Variants in RFX4 observed in about 807,000 individuals in gnomAD.
RFX4 encodes transcription factor RFX4.
In RFX4, 10 loss-of-function variants were observed where a neutral mutation model predicts 95.0. The ratio of observed to expected loss-of-function variants is 0.11; its 90% CI spans 0.06 to 0.18. The LOEUF (loss-of-function observed/expected upper bound fraction) is 0.18, where lower values mean the gene tolerates loss of function less well. RFX4 is among the 10% of genes least tolerant of loss of function. The probability of loss-of-function intolerance (pLI) is 1.00; values close to 1 mark genes in which losing one functional copy is unlikely to be tolerated. For missense variants in RFX4, 640 were observed against 922.0 expected (o/e 0.69, Z 3.96); for synonymous variants, 321 against 340.7 (o/e 0.94, Z 0.64).
At chr12:106,629,022 G>A (rs1202748035) in intron 2 of RFX4, among the ~76,000 whole-genome samples, 1 of 151,968 alleles carries the variant, frequency 6.6e-6, no homozygotes, top group Non-Finnish European at 1.5e-5. Flanking sequence ...GCCTCCCAAA[G>A]TGCTGGAATT....
Position 106,654,363 on chromosome 12 carries a change from C to T in RFX4, c.315+12C>T, listed in dbSNP as rs750770860. 2.8e-5 allele frequency: 45 copies of T among 1,612,176 alleles called. No homozygotes were observed. Among genetic ancestry groups the T allele is most frequent in the Non-Finnish European group, 3.7e-5 (44 of 1,179,038 alleles). On this transcript the variant is annotated intron_variant, in intron 4 of 17. Coordinates refer to ENST00000392842, the MANE Select transcript of RFX4 (RefSeq NM_213594.3). ...CCAGCTTTGGAAAGGTGAGTCCAGC[C>T]TCATCAGGCTTGTCCTCCCTACCAC...
intron 17 of RFX4, among the ~76,000 whole-genome samples, chr12:106,758,847 G>T (rs2043157582): frequency 6.6e-6 from 1 of 152,214 alleles, no homozygotes; most frequent in African/African-American, 2.4e-5. Flanking sequence ...CTAGCTTGCT[G>T]TGTGACTTTG....
At chr12:106,602,658 C>T (rs1428531835) in intron 1 of RFX4, among the ~76,000 whole-genome samples, 2 of 152,172 alleles carry the variant, frequency 1.3e-5, no homozygotes, top group Non-Finnish European at 2.9e-5. Context: ...TGGGGGTAAC[C>T]TTCGCCCTTG....
intron 2 of RFX4, among the ~76,000 whole-genome samples, chr12:106,616,935 AT>A (rs150965941): frequency 0.013 from 1,777 of 141,442 alleles, 14 homozygotes; most frequent in Non-Finnish European, 0.019. Flanking sequence ...TAATTTTTGT[AT>A]TTTTTTTTTT....
chr12:106,708,000 GGT>G, intron 8 of RFX4, among the ~76,000 whole-genome samples: 1 of 152,238 alleles, frequency 6.6e-6, no homozygotes, highest in East Asian at 1.9e-4. Context: ...TGAGCGTGGT[GGT>G]GTGTGTCTGT....
intron 4 of RFX4, among the ~76,000 whole-genome samples, chr12:106,663,479 T>C (rs2041115502): frequency 6.6e-6 from 1 of 152,032 alleles, no homozygotes; most frequent in Admixed American, 6.5e-5. Context: ...GATTTTCTAC[T>C]TGGACAATTA....
At chr12:106,587,583 G>C (rs1158045636) in intron 1 of RFX4, among the ~76,000 whole-genome samples, 1 of 152,198 alleles carries the variant, frequency 6.6e-6, no homozygotes, top group Non-Finnish European at 1.5e-5. Flanking sequence ...TTCTCAGCCC[G>C]CCTTGGAGCC....
chr12:106,633,542 A>G (rs767532856), intron 2 of RFX4, among the ~76,000 whole-genome samples: 19 of 152,170 alleles, frequency 1.2e-4, no homozygotes, highest in Non-Finnish European at 2.4e-4. Context: ...AACATATTAT[A>G]TTTAATCCTC....
intron 15 of RFX4, chr12:106,733,300 T>C: frequency 2.0e-6 from 1 of 488,500 alleles, no homozygotes; most frequent in South Asian, 3.4e-5. Context: ...GCCTTAGTGA[T>C]ACAGTGAGAC....
chr12:106,591,197 G>A (rs1345416894), intron 1 of RFX4, among the ~76,000 whole-genome samples: 8 of 149,674 alleles, frequency 5.3e-5, no homozygotes, highest in Admixed American at 6.7e-5. Context: ...AGTAACATAC[G>A]TAGCATTTTA....
chr12:106,639,252 A>C, intron 2 of RFX4, 80 bp from the exon 3 acceptor site: 1 of 1,222,402 alleles, frequency 8.2e-7, no homozygotes, highest in Admixed American at 2.2e-5. Context: ...AGTCTTTTGA[A>C]ACTTGGGAGA....
intron 7 of RFX4, among the ~76,000 whole-genome samples, chr12:106,694,718 C>A (rs2041846158): frequency 6.6e-6 from 1 of 152,094 alleles, no homozygotes; most frequent in South Asian, 2.1e-4. Context: ...AAGCAAAGTA[C>A]CTGGCATATA....
At chr12:106,652,482 A>G (rs758524500) in intron 3 of RFX4, among the ~76,000 whole-genome samples, 28 of 152,178 alleles carry the variant, frequency 1.8e-4, no homozygotes, top group Non-Finnish European at 3.4e-4. Flanking sequence ...CTGGACCTCA[A>G]TGATGCAGAA....
intron 9 of RFX4, among the ~76,000 whole-genome samples, chr12:106,710,107 C>T (rs576202782): frequency 6.6e-5 from 10 of 152,222 alleles, no homozygotes; most frequent in South Asian, 2.1e-4. Context: ...ACTCATGTAC[C>T]GTTCGTTTGC....
rs116703630 is a variant in RFX4, at chr12:106,743,757, C to T, written c.1634-3680C>T. ...GTGATGGCTATTATCATGACTTCTT[C>T]CCACTGCTTGGAAAAAAACATGCTT... On this transcript the variant is annotated intron_variant, in intron 15 of 17. Transcript: ENST00000392842. Among the ~76,000 whole-genome samples the T allele has an allele frequency of 9.9e-5, 15 of 152,200 alleles. No homozygotes were observed. In the East Asian group the frequency reaches 1.4e-3, roughly 14 times the overall value.
At chr12:106,603,822 A>G (rs1042374003) in intron 1 of RFX4, among the ~76,000 whole-genome samples, 2 of 152,242 alleles carry the variant, frequency 1.3e-5, no homozygotes, top group Non-Finnish European at 2.9e-5. Context: ...AGATATGAAA[A>G]CATAACATGT....
intron 17 of RFX4, among the ~76,000 whole-genome samples, chr12:106,758,897 T>A (rs2043158509): frequency 6.6e-6 from 1 of 152,262 alleles, no homozygotes; most frequent in African/African-American, 2.4e-5. Context: ...CTTTCTCATC[T>A]GTACAACATG....
intron 8 of RFX4, among the ~76,000 whole-genome samples, chr12:106,698,585 T>C (rs1248803452): frequency 9.2e-5 from 14 of 152,238 alleles, no homozygotes; most frequent in African/African-American, 7.2e-5. Context: ...AGTTATTTGA[T>C]CAATAACGAA....
At chr12:106,726,998 C>T (rs1438674160) in intron 13 of RFX4, among the ~76,000 whole-genome samples, 4 of 152,128 alleles carry the variant, frequency 2.6e-5, no homozygotes, top group African/African-American at 7.2e-5. Flanking sequence ...TCAGGAACTC[C>T]TGACCTCAAG....
Sources: gnomAD v4.1 joint callset for allele counts (sites outside exome capture counted in the v4.1 genomes callset) on GRCh38, gnomAD v4.1.1 for gene constraint, MANE v1.5 for transcripts, NCBI Gene and HGNC (gene_info 2026-07-23, HGNC 2026-07-21) for gene names.